RBFOX1: variants seen among roughly 807,000 people sequenced by gnomAD.
The protein encoded by RBFOX1 is RNA binding fox-1 homolog 1.
Under a neutral mutation model 57.7 loss-of-function variants are expected in RBFOX1, and 8 were observed. That is an observed-to-expected ratio of 0.14 (90% CI 0.08 to 0.25). The LOEUF (loss-of-function observed/expected upper bound fraction) is 0.25. Among genes scored for constraint, RBFOX1 ranks in the 10% least tolerant of loss-of-function variants. The pLI is 1.00. For synonymous variants in RBFOX1, 326 were observed against 222.4 expected, an observed-to-expected ratio of 1.47 and a Z score of -4.15; for missense variants, 611 against 548.5, an observed-to-expected ratio of 1.11 and a Z score of -1.14.
At chr16:6,312,645 GTTCCTTCTTTCC>G (rs1272132343) in intron 1 of RBFOX1, among the ~76,000 whole-genome samples, 8 of 147,770 alleles carry the variant, frequency 5.4e-5, no homozygotes, top group Admixed American at 1.4e-4. Flanking sequence ...TAAGCCGATA[GTTCCTTCTTTCC>G]TTCCTTCCTT....
intron 3 of RBFOX1, among the ~76,000 whole-genome samples, chr16:7,001,398 T>TGTATATGTATATCTATA (rs2092782327): frequency 4.0e-5 from 4 of 100,932 alleles, no homozygotes; most frequent in East Asian, 5.1e-4. Flanking sequence ...GTATGTGTAT[T>TGTATATGTATATCTATA]TGTATATGTA....
intron 14 of RBFOX1, among the ~76,000 whole-genome samples, chr16:7,703,613 C>T (rs573219419): frequency 5.9e-5 from 9 of 152,296 alleles, no homozygotes; most frequent in African/African-American, 1.9e-4. Flanking sequence ...GTGTGGAGTA[C>T]CAACATGGGC....
intron 4 of RBFOX1, among the ~76,000 whole-genome samples, chr16:7,465,303 C>T (rs1476343110): frequency 6.6e-6 from 1 of 152,212 alleles, no homozygotes; most frequent in Non-Finnish European, 1.5e-5. Context: ...AATTGATTTT[C>T]TGGCCTGCCT....
At chr16:6,071,378 A>C (rs2095836106) in intron 1 of RBFOX1, among the ~76,000 whole-genome samples, 1 of 152,234 alleles carries the variant, frequency 6.6e-6, no homozygotes. Flanking sequence ...TGTAAAGGGC[A>C]GAAAAGAATT....
At chr16:7,285,632 T>G (rs796737876) in intron 4 of RBFOX1, among the ~76,000 whole-genome samples, 2 of 152,138 alleles carry the variant, frequency 1.3e-5, no homozygotes, top group Non-Finnish European at 2.9e-5. Context: ...ACCCATATAG[T>G]ACCTGACTTT....
chr16:7,145,901 A>C (rs1296934307), intron 4 of RBFOX1, among the ~76,000 whole-genome samples: 1 of 152,106 alleles, frequency 6.6e-6, no homozygotes, highest in Non-Finnish European at 1.5e-5. Context: ...CCATCCCCTC[A>C]AGTCCATGAC....
chr16:6,848,656 G>A (rs8053058), intron 3 of RBFOX1, among the ~76,000 whole-genome samples: 45,487 of 151,596 alleles, frequency 0.3, 7,039 homozygotes, highest in South Asian at 0.42. Flanking sequence ...AAAGGAGGGA[G>A]GGAAAAAAGC....
chr16:7,152,774 A>G (rs896496778), intron 4 of RBFOX1, among the ~76,000 whole-genome samples: 2 of 152,204 alleles, frequency 1.3e-5, no homozygotes, highest in African/African-American at 4.8e-5. Flanking sequence ...TCCAGGTACG[A>G]TATTTTATGT....
At chr16:7,182,199 T>C (rs1334719080) in intron 4 of RBFOX1, among the ~76,000 whole-genome samples, 1 of 152,208 alleles carries the variant, frequency 6.6e-6, no homozygotes, top group African/African-American at 2.4e-5. Flanking sequence ...TTGGAGATTT[T>C]TTCAGATTAT....
At chr16:6,832,386 C>T (rs1567461478) in intron 3 of RBFOX1, among the ~76,000 whole-genome samples, 1 of 152,182 alleles carries the variant, frequency 6.6e-6, no homozygotes. Context: ...GGATGATTTC[C>T]CCAGATTGCT....
intron 2 of RBFOX1, among the ~76,000 whole-genome samples, chr16:6,565,294 T>C (rs917671446): frequency 6.6e-6 from 1 of 151,906 alleles, no homozygotes; most frequent in African/African-American, 2.4e-5. Flanking sequence ...TCTCACTCTG[T>C]TGCCCAGGCT....
chr16:7,574,185 C>T (rs1344848230), intron 5 of RBFOX1, among the ~76,000 whole-genome samples: 1 of 152,116 alleles, frequency 6.6e-6, no homozygotes, highest in African/African-American at 2.4e-5. Context: ...GAAAGGCTTT[C>T]CAGCCAGGCG....
At chr16:7,195,457 G>C (rs1377028566) in intron 4 of RBFOX1, among the ~76,000 whole-genome samples, 1 of 152,126 alleles carries the variant, frequency 6.6e-6, no homozygotes, top group African/African-American at 2.4e-5. Context: ...TCTAATATTG[G>C]CAAGGCAAAA....
chr16:6,485,064 G>A (rs1033004791), intron 2 of RBFOX1, among the ~76,000 whole-genome samples: 1 of 152,196 alleles, frequency 6.6e-6, no homozygotes, highest in Non-Finnish European at 1.5e-5. Flanking sequence ...TTTGTGGCAT[G>A]GAGTAACTTG....
chr16:5,246,589 T>A (rs1237273238), intron 1 of RBFOX1, among the ~76,000 whole-genome samples: 1 of 152,216 alleles, frequency 6.6e-6, no homozygotes, highest in Admixed American at 6.5e-5. Context: ...ACATTCTGTG[T>A]CCTTTGGCAT....
intron 4 of RBFOX1, among the ~76,000 whole-genome samples, chr16:7,502,380 T>G (rs2151853720): frequency 6.6e-6 from 1 of 152,276 alleles, no homozygotes. Flanking sequence ...ATCGAATAAT[T>G]AAAAATACAG....
At chr16:7,405,812 T>G (rs550521834) in intron 4 of RBFOX1, among the ~76,000 whole-genome samples, 14 of 152,266 alleles carry the variant, frequency 9.2e-5, no homozygotes, top group Admixed American at 3.9e-4. Flanking sequence ...AACACCTGTT[T>G]CCTTTCCACT....
intron 5 of RBFOX1, among the ~76,000 whole-genome samples, chr16:7,558,175 A>G (rs2089290782): frequency 6.6e-6 from 1 of 152,066 alleles, no homozygotes; most frequent in Admixed American, 6.6e-5. Flanking sequence ...GAAACATGGC[A>G]AAACTCCATA....
At chr16:6,482,960 G>A (rs1180903145) in intron 2 of RBFOX1, among the ~76,000 whole-genome samples, 1 of 152,202 alleles carries the variant, frequency 6.6e-6, no homozygotes, top group Non-Finnish European at 1.5e-5. Context: ...AACCGTGCAA[G>A]GTGCCCTATT....
Sources: gnomAD v4.1 joint callset for allele counts (sites outside exome capture counted in the v4.1 genomes callset) on GRCh38, gnomAD v4.1.1 for gene constraint, MANE v1.5 for transcripts, NCBI Gene and HGNC (gene_info 2026-07-23, HGNC 2026-07-21) for gene names.